Variants in PPFIA2 observed in about 807,000 individuals in gnomAD.
The protein encoded by PPFIA2 is liprin-alpha-2.
Under a neutral mutation model 175.5 loss-of-function variants are expected in PPFIA2, and 46 were observed. The ratio of observed to expected loss-of-function variants is 0.26; its 90% CI spans 0.21 to 0.34. The LOEUF (loss-of-function observed/expected upper bound fraction) is 0.34. PPFIA2 is among the 10% of genes least tolerant of loss of function. The pLI, the probability that PPFIA2 is intolerant of heterozygous loss-of-function variation, is 1.00. For synonymous variants in PPFIA2, 568 were observed against 511.4 expected, an observed-to-expected ratio of 1.11 and a Z score of -1.49; for missense variants, 1,179 against 1,506.1, an observed-to-expected ratio of 0.78 and a Z score of 3.60.
At chr12:81,623,653 T>G (rs2062338671) in intron 4 of PPFIA2, among the ~76,000 whole-genome samples, 1 of 152,002 alleles carries the variant, frequency 6.6e-6, no homozygotes, top group Non-Finnish European at 1.5e-5. Context: ...TGGGTAAAGT[T>G]CCTTAAACCA....
At chr12:81,575,890 C>A (rs548888954) in intron 4 of PPFIA2, among the ~76,000 whole-genome samples, 25 of 151,776 alleles carry the variant, frequency 1.6e-4, no homozygotes, top group Non-Finnish European at 3.1e-4. Context: ...AAGGTCCATA[C>A]TCCTTCTCTT....
chr12:81,735,599 T>A (rs2471494), intron 3 of PPFIA2, among the ~76,000 whole-genome samples: 127,720 of 151,672 alleles, frequency 0.84, 55,074 homozygotes, highest in Middle Eastern at 0.95. Context: ...GATGAAGTTC[T>A]ATTTATAATT....
intron 3 of PPFIA2, among the ~76,000 whole-genome samples, chr12:81,749,929 C>G (rs2464760): frequency 0.13 from 19,137 of 143,286 alleles, 4,141 homozygotes; most frequent in Non-Finnish European, 0.19. Flanking sequence ...ACTTTAAAAG[C>G]CTTTTTTATG....
At chr12:81,369,442 C>T in intron 11 of PPFIA2, 2 of 1,320,302 alleles carry the variant, frequency 1.5e-6, no homozygotes, top group Non-Finnish European at 1.9e-6. Context: ...CCAAATGTAA[C>T]ATGCAGACTG....
chr12:81,328,254 G>T (rs1344972136), intron 21 of PPFIA2, among the ~76,000 whole-genome samples: 1 of 152,094 alleles, frequency 6.6e-6, no homozygotes, highest in Non-Finnish European at 1.5e-5. Context: ...TCTCATTCTT[G>T]TCTAGGCATC....
intron 5 of PPFIA2, among the ~76,000 whole-genome samples, chr12:81,448,960 T>C (rs1391402532): frequency 6.6e-6 from 1 of 152,214 alleles, no homozygotes; most frequent in African/African-American, 2.4e-5. Context: ...TCTGTAACTA[T>C]TTATTAGAGT....
chr12:81,376,276 A>C (rs2036334087), intron 9 of PPFIA2, among the ~76,000 whole-genome samples: 1 of 152,228 alleles, frequency 6.6e-6, no homozygotes, highest in Non-Finnish European at 1.5e-5. Flanking sequence ...TACAATAATG[A>C]GTAGAGTTGC....
At chr12:81,438,936 T>C (rs2049606668) in intron 7 of PPFIA2, among the ~76,000 whole-genome samples, 1 of 152,072 alleles carries the variant, frequency 6.6e-6, no homozygotes, top group Admixed American at 6.6e-5. Context: ...AACTGAAAAT[T>C]TGTACCCATT....
intron 19 of PPFIA2, among the ~76,000 whole-genome samples, chr12:81,341,543 C>T (rs1341623688): frequency 1.3e-5 from 2 of 152,056 alleles, no homozygotes; most frequent in Admixed American, 6.6e-5. Context: ...AACACGAATT[C>T]GTAAACTGTC....
chr12:81,444,638 C>T (rs141924202), intron 6 of PPFIA2, among the ~76,000 whole-genome samples: 25 of 151,890 alleles, frequency 1.6e-4, no homozygotes, highest in African/African-American at 5.1e-4. Context: ...CCACATAATC[C>T]CCTGTTCTCA....
chr12:81,405,714 G>C, intron 8 of PPFIA2, 73 bp downstream of exon 8: 1 of 872,312 alleles, frequency 1.1e-6, no homozygotes, highest in South Asian at 1.8e-5. Context: ...TTCATTATGT[G>C]GTTTTTATAT....
rs983998781 is a variant in PPFIA2 at position 81,353,469 on chromosome 12, C to T, written c.1774-130G>A. The T allele has an allele frequency of 1.3e-5, 8 of 634,408 alleles. No individual in the cohort carries two copies. In the African/African-American group the frequency reaches 1.5e-4, roughly 12 times the overall value. The allele number at this position is 634,408 out of a possible 1,614,324, so 39.3% of individuals were successfully genotyped here. On this transcript the variant is annotated intron_variant, in intron 16 of 32. Transcript: ENST00000549396. ...TTGCAAAAACTGAACCAATTATTAA[C>T]ATTTTAATTTATTTGCTTCCATAAA...
intron 8 of PPFIA2, among the ~76,000 whole-genome samples, chr12:81,388,075 G>A (rs1173614863): frequency 6.6e-6 from 1 of 152,124 alleles, no homozygotes; most frequent in Non-Finnish European, 1.5e-5. Flanking sequence ...AAATACAGGA[G>A]TTCTATGTTC....
At position 81,257,988 on chromosome 12, in the gene PPFIA2, CATT is replaced by C. The variant is rs926965039; in HGVS notation, c.*1703_*1705del. 3.3e-5 allele frequency: 5 copies of C among 151,974 alleles called. No homozygotes were observed. The highest frequency in any genetic ancestry group is 1.3e-4 in the Admixed American group (2 of 15,252). 9.4% of individuals were successfully genotyped at this position (151,974 alleles called of 1,614,324 possible). The stretch of plus-strand genomic sequence containing the variant: ...ATAGTAGATACAAATCTAGTTATGG[CATT>C]ATAATGTCGTAGTTCCTATATTCTA... On this transcript the variant is annotated 3_prime_UTR_variant, in exon 33 of 33. Transcript: ENST00000549396.
At chr12:81,683,222 C>G (rs1452378171) in intron 3 of PPFIA2, among the ~76,000 whole-genome samples, 1 of 152,018 alleles carries the variant, frequency 6.6e-6, no homozygotes, top group Non-Finnish European at 1.5e-5. Flanking sequence ...CCAAATCCAT[C>G]AGCAAACCCC....
At chr12:81,378,558 AT>A (rs2036924280) in intron 9 of PPFIA2, among the ~76,000 whole-genome samples, 1 of 152,054 alleles carries the variant, frequency 6.6e-6, no homozygotes, top group South Asian at 2.1e-4. Context: ...TACTTTACAT[AT>A]TTTTTATCTC....
At chr12:81,566,040 CA>C (rs2071214039) in intron 4 of PPFIA2, among the ~76,000 whole-genome samples, 2 of 152,052 alleles carry the variant, frequency 1.3e-5, no homozygotes, top group Admixed American at 6.6e-5. Context: ...GTTCATAAGG[CA>C]AAAGTCAATG....
At chr12:81,412,281 G>A (rs1320852303) in intron 7 of PPFIA2, among the ~76,000 whole-genome samples, 5 of 141,128 alleles carry the variant, frequency 3.5e-5, no homozygotes, top group African/African-American at 1.3e-4. Flanking sequence ...AAAATACTGG[G>A]AAAAATGCAG....
intron 14 of PPFIA2, among the ~76,000 whole-genome samples, chr12:81,363,297 T>TAA (rs2031727111): frequency 2.6e-5 from 4 of 151,184 alleles, no homozygotes; most frequent in South Asian, 2.1e-4. Flanking sequence ...ATTAATTAAT[T>TAA]TATTTATTTA....
Sources: allele counts gnomAD v4.1 joint callset (sites outside exome capture counted in the v4.1 genomes callset), GRCh38; gene constraint gnomAD v4.1.1; transcripts MANE v1.5; gene names NCBI Gene and HGNC (gene_info 2026-07-23, HGNC 2026-07-21).